Variants in DBH observed in about 807,000 individuals in gnomAD.
The protein encoded by DBH is dopamine beta-hydroxylase.
DBH carries 49 observed loss-of-function variants against 64.0 expected under a neutral mutation model. The observed-to-expected ratio is 0.77, with a 90% CI of 0.61 to 0.97. The LOEUF is 0.97. Ranked by LOEUF, DBH falls within the 50% of genes least tolerant of loss-of-function variation. The probability of loss-of-function intolerance (pLI) is 0.00; values close to 1 mark genes in which losing one functional copy is unlikely to be tolerated. For missense variants in DBH, 828 were observed against 826.6 expected (o/e 1.00, Z -0.02); for synonymous variants, 343 against 347.1 (o/e 0.99, Z 0.13).
rs370974965 is a variant in DBH at position 133,647,937 on chromosome 9, G to A, written c.1116G>A (p.Thr372=). 4.3e-5 allele frequency: 69 copies of A among 1,613,938 alleles called. No individual in the cohort carries two copies. Among genetic ancestry groups the A allele is most frequent in the African/African-American group, 2.1e-4 (16 of 74,938 alleles). Residue 372 remains threonine (T), a synonymous_variant, in exon 6 of 12, where the codon ACG becomes ACA. Transcript: ENST00000393056. The stretch of plus-strand genomic sequence containing the variant: ...TCATGGAGCTGGGACTGGTGTACAC[G>A]CCAGTGATGGCCATTCCACCACGGG... ...AGIMELGLVY[T]PVMAIPPRET...
chr9:133,648,134 C>T (rs1832205535), intron 6 of DBH, 122 bp downstream of exon 6: 4 of 1,139,600 alleles, frequency 3.5e-6, no homozygotes, highest in East Asian at 2.6e-5. Context: ...ACCCTGAATC[C>T]CCCTGCGGTC....
chr9:133,656,711 T>C, intron 10 of DBH, 61 bp downstream of exon 10: 1 of 1,599,330 alleles, frequency 6.3e-7, no homozygotes, highest in South Asian at 1.1e-5. Context: ...ACCTCGGGCC[T>C]GTTAGGCGGC....
At position 133,658,305 on chromosome 9, in the gene DBH, C is replaced by T; in HGVS notation, c.1723-11C>T. The T allele has an allele frequency of 2.5e-6, 4 of 1,613,854 alleles. No individual in the cohort carries two copies. The highest frequency in any genetic ancestry group is 3.4e-6 in the Non-Finnish European group (4 of 1,179,860). On this transcript the variant is annotated splice_polypyrimidine_tract_variant and intron_variant, in intron 11 of 11. Coordinates refer to ENST00000393056, the MANE Select transcript of DBH (RefSeq NM_000787.4). Reference sequence around the variant, plus strand: ...CCAGCCTCAGTTTACCTCCTGCCCCCTTCCTTGCAGGGTGAATGGAACCTG... The same window carrying T: ...CCAGCCTCAGTTTACCTCCTGCCCCTTTCCTTGCAGGGTGAATGGAACCTG...
intron 9 of DBH, chr9:133,656,254 A>AC: frequency 2.2e-6 from 1 of 453,862 alleles, no homozygotes; most frequent in South Asian, 2.1e-5. Context: ...GCACAATAAC[A>AC]CCCCATCCGC....
chr9:133,654,902 G>A (rs1426397066), intron 9 of DBH: 1 of 152,366 alleles, frequency 6.6e-6, no homozygotes, highest in African/African-American at 2.4e-5. Context: ...CCCCAGGCAA[G>A]TCCCCACCAT....
intron 9 of DBH, chr9:133,656,137 C>T (rs796872452): frequency 6.8e-5 from 23 of 337,616 alleles, no homozygotes; most frequent in East Asian, 4.7e-4. Flanking sequence ...AGCTTCCAGA[C>T]AATGGCCGGG....
chr9:133,646,845 G>A (rs887110804), intron 5 of DBH, among the ~76,000 whole-genome samples: 1 of 152,184 alleles, frequency 6.6e-6, no homozygotes, highest in Non-Finnish European at 1.5e-5. Context: ...CTGACCATCA[G>A]TTTCATGTGA....
At chr9:133,649,771 G>A (rs1012176529) in intron 6 of DBH, among the ~76,000 whole-genome samples, 8 of 152,150 alleles carry the variant, frequency 5.3e-5, no homozygotes, top group Admixed American at 3.9e-4. Context: ...AGCGGCTTCC[G>A]GCCAGGCAGC....
rs1163709389 is a variant in DBH at position 133,658,467 on chromosome 9, C to G, written c.*20C>G. The G allele has an allele frequency of 1.9e-6, 3 of 1,595,124 alleles. No individual in the cohort carries two copies. The highest frequency in any genetic ancestry group is 3.4e-5 in the Admixed American group (2 of 58,400). ...GGCTGAGGGGGGACCTACTCCTCCC[C>G]CTCCTCCATGCTGTCCCTGTGGGCT... On this transcript the variant is annotated 3_prime_UTR_variant, in exon 12 of 12. Coordinates refer to ENST00000393056, the MANE Select transcript of DBH (RefSeq NM_000787.4).
At chr9:133,653,499 T>C (rs129913) in intron 9 of DBH, among the ~76,000 whole-genome samples, 7,309 of 152,118 alleles carry the variant, frequency 0.048, 558 homozygotes, top group African/African-American at 0.16. Context: ...GGGAGGGCCT[T>C]GTCAGAAATG....
chr9:133,653,298 C>T lies in DBH; in HGVS notation c.1434+299C>T, dbSNP rs148487156. Among the ~76,000 whole-genome samples, 1,254 of 152,254 alleles carry T rather than the reference C, an allele frequency of 8.2e-3. 14 individuals carry two copies. Among genetic ancestry groups the T allele is most frequent in the African/African-American group, 0.029 (1,186 of 41,524 alleles). ...GACCCCTGCTCAAGGTTGAGAAGCACTCACACCAAGAAGCTTCTCAGCACC... is the reference window on the plus strand; with the variant it reads ...GACCCCTGCTCAAGGTTGAGAAGCATTCACACCAAGAAGCTTCTCAGCACC... On this transcript the variant is annotated intron_variant, in intron 9 of 11. Transcript: ENST00000393056.
At chr9:133,645,625 A>T (rs1249736801) in intron 5 of DBH, among the ~76,000 whole-genome samples, 1 of 152,204 alleles carries the variant, frequency 6.6e-6, no homozygotes, top group Non-Finnish European at 1.5e-5. Flanking sequence ...CTGGAGATAC[A>T]GGAGCCGTTT....
rs779192115 is a variant in DBH at position 133,652,296 on chromosome 9, G to A, written c.1374+12G>A. 6.2e-7 allele frequency: 1 copy of A among 1,612,792 alleles called. No homozygotes were observed. Among genetic ancestry groups the A allele is most frequent in the East Asian group, 2.2e-5 (1 of 44,864 alleles). ...TGTCGGTCCATCCGGTGAGTGCCCA[G>A]CGGGAAGGCTGTCCCACTCACTGCC... is the stretch of plus-strand genomic sequence containing the variant. On this transcript the variant is annotated intron_variant, in intron 8 of 11. Transcript: ENST00000393056.
chr9:133,653,017 C>T lies in DBH; in HGVS notation c.1434+18C>T, dbSNP rs754900562. On this transcript the variant is annotated intron_variant, in intron 9 of 11. Transcript: ENST00000393056. ...CCACAGTGGTAAGTCACCCCCGCTT[C>T]CCCCTGCACCTGCCCAGGGCGAGTG... 3 of 1,593,258 alleles carry T rather than the reference C, an allele frequency of 1.9e-6. No individual in the cohort carries two copies. Among genetic ancestry groups the T allele is most frequent in the Non-Finnish European group, 2.6e-6 (3 of 1,161,266 alleles).
intron 11 of DBH, among the ~76,000 whole-genome samples, chr9:133,658,040 T>C (rs1343837678): frequency 6.6e-6 from 1 of 151,980 alleles, no homozygotes; most frequent in Non-Finnish European, 1.5e-5. Context: ...CTCTGGTTGC[T>C]ACACTAGGGT....
intron 6 of DBH, among the ~76,000 whole-genome samples, chr9:133,650,426 TTTCTTTCCTTCTTTCC>T (rs994274413): frequency 5.7e-4 from 86 of 150,572 alleles, no homozygotes; most frequent in African/African-American, 1.8e-3. Flanking sequence ...GACGTGTTCT[TTTCTTTCCTTCTTTCC>T]TTCTTTTCTT....
At chr9:133,644,803 C>T (rs1832162270) in intron 5 of DBH, among the ~76,000 whole-genome samples, 1 of 152,150 alleles carries the variant, frequency 6.6e-6, no homozygotes, top group African/African-American at 2.4e-5. Context: ...TGTTGGATCA[C>T]CCATACCTGA....
At position 133,652,283 on chromosome 9, in the gene DBH, C is replaced by T. The variant is rs373318204; in HGVS notation, c.1373C>T (p.Pro458Leu). 52 of 1,613,278 alleles carry T rather than the reference C, an allele frequency of 3.2e-5. No homozygotes were observed. The highest frequency in any genetic ancestry group is 6.7e-5 in the African/African-American group (5 of 74,912). Residue 458 changes from proline (P) to leucine (L), a missense_variant and splice_region_variant, in exon 8 of 12, where the codon CCG becomes CTG. Physicochemically the swap from Pro to Leu is moderately conservative, Grantham distance 98. Coordinates refer to ENST00000393056, the MANE Select transcript of DBH (RefSeq NM_000787.4). ...TTGAAGAAGGTCGTGTCGGTCCATCCGGTGAGTGCCCAGCGGGAAGGCTGT... is the reference window on the plus strand; with the variant it reads ...TTGAAGAAGGTCGTGTCGGTCCATCTGGTGAGTGCCCAGCGGGAAGGCTGT... ...RMLKKVVSVH[P>L]GDVLITSCTY... is the part of the protein sequence containing the mutation.
Position 133,652,297 on chromosome 9 carries a change from CG to C in DBH, c.1374+16del, listed in dbSNP as rs760467553. 169 of 1,612,438 alleles carry C rather than the reference CG, an allele frequency of 1.0e-4. No homozygotes were observed. The highest frequency in any genetic ancestry group is 1.0e-4 in the Admixed American group (6 of 59,998). ...GTCGGTCCATCCGGTGAGTGCCCAG[CG>C]GGAAGGCTGTCCCACTCACTGCCAC... is the stretch of plus-strand genomic sequence containing the variant. On this transcript the variant is annotated intron_variant, in intron 8 of 11. Coordinates refer to ENST00000393056, the MANE Select transcript of DBH (RefSeq NM_000787.4).
Sources: gnomAD v4.1 joint callset for allele counts (sites outside exome capture counted in the v4.1 genomes callset) on GRCh38, gnomAD v4.1.1 for gene constraint, MANE v1.5 for transcripts, NCBI Gene and HGNC (gene_info 2026-07-23, HGNC 2026-07-21) for gene names.